Variants in SPCS2 observed in about 807,000 individuals in gnomAD.
The protein encoded by SPCS2 is SPase 25 kDa subunit.
SPCS2 carries 3 observed loss-of-function variants against 22.3 expected under a neutral mutation model. That is an observed-to-expected ratio of 0.13 (90% CI 0.06 to 0.35). SPCS2 has a LOEUF of 0.35. Among genes scored for constraint, SPCS2 ranks in the 10% least tolerant of loss-of-function variants. The pLI, the probability that SPCS2 is intolerant of heterozygous loss-of-function variation, is 1.00. For missense variants in SPCS2, 169 were observed against 280.9 expected, an observed-to-expected ratio of 0.60 and a Z score of 2.85; for synonymous variants, 67 against 97.2, an observed-to-expected ratio of 0.69 and a Z score of 1.83.
chr11:74,962,883 A>T (rs754087052), intron 1 of SPCS2, among the ~76,000 whole-genome samples: 1 of 152,218 alleles, frequency 6.6e-6, no homozygotes, highest in Non-Finnish European at 1.5e-5. Flanking sequence ...ATTTCAATAC[A>T]TTGTAATGGC....
chr11:74,964,082 G>A (rs1379981752), intron 1 of SPCS2, among the ~76,000 whole-genome samples: 2 of 152,158 alleles, frequency 1.3e-5, no homozygotes, highest in South Asian at 2.1e-4. Flanking sequence ...TAAGATATCT[G>A]GATGTACCGT....
chr11:74,972,128 G>A (rs1014716925), intron 4 of SPCS2, among the ~76,000 whole-genome samples: 1 of 151,738 alleles, frequency 6.6e-6, no homozygotes, highest in African/African-American at 2.4e-5. Flanking sequence ...GCGCAATGAC[G>A]CGATCTTGGC....
At chr11:74,964,647 C>T (rs566791690) in intron 1 of SPCS2, among the ~76,000 whole-genome samples, 7 of 152,210 alleles carry the variant, frequency 4.6e-5, no homozygotes, top group East Asian at 1.9e-4. Context: ...ACTCACATTT[C>T]GGTAAAATGA....
chr11:74,949,686 T>A (rs1460426438), intron 1 of SPCS2: 1 of 481,766 alleles, frequency 2.1e-6, no homozygotes, highest in Non-Finnish European at 4.1e-6. Context: ...CGTGTCCATC[T>A]CTTTTCTCCT....
In SPCS2 at chr11:74,974,894, A is replaced by G. The variant is rs1333314167; in HGVS notation, c.495-1963A>G. Among the ~76,000 whole-genome samples, 4 of 152,232 alleles carry G rather than the reference A, an allele frequency of 2.6e-5. No homozygotes were observed. The South Asian group carries it at 6.2e-4, about 24-fold the overall frequency. On this transcript the variant is annotated intron_variant, in intron 4 of 4. Coordinates refer to ENST00000263672, the MANE Select transcript of SPCS2 (RefSeq NM_014752.3). ...CTCCCAAAGTGCTGGGATTATAGGT[A>G]TGAGCCACGGCACCCGGCCCACTGT...
Position 74,962,467 on chromosome 11 carries a change from G to A in SPCS2, c.115-2567G>A, listed in dbSNP as rs1948519854. Among the ~76,000 whole-genome samples the A allele has an allele frequency of 3.3e-5, 5 of 150,700 alleles. No individual in the cohort carries two copies. In the South Asian group the frequency reaches 1.0e-3, roughly 32 times the overall value. The stretch of plus-strand genomic sequence containing the variant: ...TTATCCTGTGAGGTCCCACATAAAA[G>A]AAACTAATTTTTGCTTTCTCTTTTT... On this transcript the variant is annotated intron_variant, in intron 1 of 4. Transcript: ENST00000263672.
At chr11:74,966,828 A>G (rs945299659) in intron 3 of SPCS2, among the ~76,000 whole-genome samples, 1 of 152,112 alleles carries the variant, frequency 6.6e-6, no homozygotes, top group Admixed American at 6.6e-5. Context: ...CAGTGGTGTG[A>G]TCATGACTCA....
chr11:74,967,269 T>C (rs1469364549), intron 3 of SPCS2, among the ~76,000 whole-genome samples: 3 of 152,174 alleles, frequency 2.0e-5, no homozygotes, highest in Non-Finnish European at 4.4e-5. Context: ...ATTCCATAGG[T>C]TCTAGAGACA....
intron 1 of SPCS2, among the ~76,000 whole-genome samples, chr11:74,955,965 A>G (rs1236004803): frequency 1.4e-5 from 2 of 146,770 alleles, no homozygotes; most frequent in African/African-American, 5.0e-5. Flanking sequence ...AAATTTCAAT[A>G]GTAGTTTTTT....
intron 3 of SPCS2, among the ~76,000 whole-genome samples, chr11:74,968,924 C>T (rs1319851006): frequency 6.6e-6 from 1 of 152,160 alleles, no homozygotes; most frequent in Non-Finnish European, 1.5e-5. Context: ...CTGCCTCGGC[C>T]TCCCAGAGTG....
intron 4 of SPCS2, among the ~76,000 whole-genome samples, chr11:74,976,009 A>G (rs138824590): frequency 1.7e-3 from 254 of 152,328 alleles, no homozygotes; most frequent in South Asian, 5.8e-3. Context: ...AGCTAAAGGA[A>G]TCTCTGGAGT....
chr11:74,949,725 C>A (rs900210692), intron 1 of SPCS2: 16 of 453,662 alleles, frequency 3.5e-5, no homozygotes, highest in Non-Finnish European at 6.6e-5. Flanking sequence ...TTGTCAGTGC[C>A]CATTTCACAG....
At chr11:74,974,700 C>T (rs374002034) in intron 4 of SPCS2, among the ~76,000 whole-genome samples, 18 of 152,104 alleles carry the variant, frequency 1.2e-4, no homozygotes, top group African/African-American at 4.3e-4. Context: ...CTGCAAGCTC[C>T]GCCTCCTGGG....
chr11:74,966,803 A>AC (rs746930296), intron 3 of SPCS2, among the ~76,000 whole-genome samples: 8 of 152,090 alleles, frequency 5.3e-5, no homozygotes, highest in Admixed American at 2.0e-4. Context: ...TTACCGTGTC[A>AC]CCCAGGCTGA....
chr11:74,953,520 C>T (rs559410992), intron 1 of SPCS2, among the ~76,000 whole-genome samples: 3 of 152,234 alleles, frequency 2.0e-5, no homozygotes, highest in African/African-American at 7.2e-5. Context: ...TTTGATGTGT[C>T]TTGATTTGGG....
At chr11:74,970,682 T>C (rs1282985866) in intron 4 of SPCS2, among the ~76,000 whole-genome samples, 1 of 152,226 alleles carries the variant, frequency 6.6e-6, no homozygotes, top group Non-Finnish European at 1.5e-5. Flanking sequence ...CATTCTGTTG[T>C]TGCAGCTGAG....
At chr11:74,963,034 C>T (rs1231576123) in intron 1 of SPCS2, among the ~76,000 whole-genome samples, 4 of 152,062 alleles carry the variant, frequency 2.6e-5, no homozygotes, top group African/African-American at 9.7e-5. Context: ...TTTGAATGAC[C>T]CATAATTTTT....
At chr11:74,972,808 A>T (rs547852561) in intron 4 of SPCS2, among the ~76,000 whole-genome samples, 1 of 151,586 alleles carries the variant, frequency 6.6e-6, no homozygotes, top group Non-Finnish European at 1.5e-5. Context: ...AGGTTATAAG[A>T]CAATATAAAA....
chr11:74,964,265 G>A (rs1255215924), intron 1 of SPCS2, among the ~76,000 whole-genome samples: 1 of 152,222 alleles, frequency 6.6e-6, no homozygotes, highest in Non-Finnish European at 1.5e-5. Flanking sequence ...GCATTCGTAG[G>A]TGCTGTAACA....
Sources: allele counts gnomAD v4.1 joint callset (sites outside exome capture counted in the v4.1 genomes callset), GRCh38; gene constraint gnomAD v4.1.1; transcripts MANE v1.5; gene names NCBI Gene and HGNC (gene_info 2026-07-23, HGNC 2026-07-21).